The following GPC6 variants were observed in gnomAD, a reference collection of about 807,000 sequenced individuals.
GPC6 encodes glypican-6.
A neutral mutation model predicts 55.2 loss-of-function variants in GPC6; 14 were observed. The ratio of observed to expected loss-of-function variants is 0.25; its 90% CI spans 0.17 to 0.40. GPC6 has a LOEUF of 0.40. Among genes scored for constraint, GPC6 ranks in the 10% least tolerant of loss-of-function variants. GPC6 has a pLI of 1.00. For missense variants in GPC6, 641 were observed against 708.5 expected, an observed-to-expected ratio of 0.90 and a Z score of 1.08; for synonymous variants, 278 against 259.6, an observed-to-expected ratio of 1.07 and a Z score of -0.68.
intron 7 of GPC6, among the ~76,000 whole-genome samples, chr13:94,389,895 G>A (rs1162594239): frequency 6.6e-6 from 1 of 152,150 alleles, no homozygotes; most frequent in Non-Finnish European, 1.5e-5. Context: ...TTTCTGGGAG[G>A]AGGCTATCAA....
At chr13:94,237,499 A>G (rs1355431331) in intron 4 of GPC6, among the ~76,000 whole-genome samples, 1 of 152,174 alleles carries the variant, frequency 6.6e-6, no homozygotes, top group South Asian at 2.1e-4. Flanking sequence ...GGTGGGTGGC[A>G]GCTTGGATTG....
chr13:93,784,034 A>G (rs541007356), intron 2 of GPC6, among the ~76,000 whole-genome samples: 10 of 152,280 alleles, frequency 6.6e-5, no homozygotes, highest in African/African-American at 2.4e-4. Context: ...ACACAGTCCT[A>G]CAGAAGAAGG....
rs1875961044 is a variant in GPC6, at chr13:93,564,013, T to C, written c.319+18592T>C. Among the ~76,000 whole-genome samples, 3 of 152,114 alleles carry C rather than the reference T, an allele frequency of 2.0e-5. No homozygotes were observed. The South Asian group carries it at 6.2e-4, about 31-fold the overall frequency. ...ACTATACCCTGTACCCAATGAGTAG[T>C]CTTTTTTAATATAAAACTTTGAGAT... On this transcript the variant is annotated intron_variant, in intron 2 of 8. Transcript: ENST00000377047.
intron 4 of GPC6, among the ~76,000 whole-genome samples, chr13:94,218,203 G>A (rs1271401081): frequency 6.6e-6 from 1 of 152,138 alleles, no homozygotes; most frequent in African/African-American, 2.4e-5. Flanking sequence ...CTGACTATGA[G>A]AGCCCTTTTC....
chr13:93,910,858 G>C (rs1332920560), intron 3 of GPC6, among the ~76,000 whole-genome samples: 1 of 152,162 alleles, frequency 6.6e-6, no homozygotes, highest in African/African-American at 2.4e-5. Context: ...CAGTTTCACA[G>C]ACAGTATGGA....
intron 2 of GPC6, among the ~76,000 whole-genome samples, chr13:93,758,488 A>G (rs903153637): frequency 6.6e-6 from 1 of 152,122 alleles, no homozygotes; most frequent in African/African-American, 2.4e-5. Flanking sequence ...TTTGATTTAT[A>G]TACATATCAA....
At chr13:93,906,899 A>G (rs945491949) in intron 3 of GPC6, among the ~76,000 whole-genome samples, 8 of 152,192 alleles carry the variant, frequency 5.3e-5, no homozygotes, top group African/African-American at 1.9e-4. Flanking sequence ...TAACTAGTAG[A>G]TACATATATA....
intron 1 of GPC6, among the ~76,000 whole-genome samples, chr13:93,435,216 G>C (rs937196262): frequency 6.6e-6 from 1 of 152,010 alleles, no homozygotes; most frequent in Non-Finnish European, 1.5e-5. Context: ...TTAGGCCCAA[G>C]TGATCCTCCT....
chr13:94,065,747 C>T (rs967943320), intron 4 of GPC6, among the ~76,000 whole-genome samples: 1 of 152,184 alleles, frequency 6.6e-6, no homozygotes, highest in African/African-American at 2.4e-5. Context: ...AATCTTATTA[C>T]ACCCCACCAT....
intron 3 of GPC6, among the ~76,000 whole-genome samples, chr13:93,979,677 A>G (rs910258259): frequency 2.0e-5 from 3 of 152,150 alleles, no homozygotes; most frequent in Non-Finnish European, 2.9e-5. Flanking sequence ...TTTGAATATT[A>G]TTAAACCTGC....
intron 1 of GPC6, among the ~76,000 whole-genome samples, chr13:93,466,168 G>A (rs1878896520): frequency 6.7e-6 from 1 of 149,054 alleles, no homozygotes; most frequent in Non-Finnish European, 1.5e-5. Flanking sequence ...GAATAATGGT[G>A]CTGATATACT....
At chr13:93,747,408 A>G (rs556230234) in intron 2 of GPC6, among the ~76,000 whole-genome samples, 59 of 152,290 alleles carry the variant, frequency 3.9e-4, no homozygotes, top group African/African-American at 1.4e-3. Context: ...CACTATGCCT[A>G]CTAAACCATC....
At chr13:93,218,003 GGAGAAAT>G in the GPC6 span, among the ~76,000 whole-genome samples, 3 of 152,200 alleles carry the variant, frequency 2.0e-5, no homozygotes, top group Middle Eastern at 3.4e-3. Flanking sequence ...ATGAACATCA[GGAGAAAT>G]CCAAAGGCAC....
At chr13:93,484,160 G>GT (rs996730989) in intron 1 of GPC6, among the ~76,000 whole-genome samples, 2 of 151,322 alleles carry the variant, frequency 1.3e-5, no homozygotes, top group African/African-American at 4.8e-5. Flanking sequence ...CATAGCAACA[G>GT]TTTTTTTGGG....
At chr13:93,374,020 A>G (rs1196793855) in intron 1 of GPC6, among the ~76,000 whole-genome samples, 1 of 152,128 alleles carries the variant, frequency 6.6e-6, no homozygotes, top group Non-Finnish European at 1.5e-5. Flanking sequence ...TAATCTAGGG[A>G]TCTCATACAG....
chr13:93,219,005 ATT>A, the GPC6 span, among the ~76,000 whole-genome samples: 1 of 151,348 alleles, frequency 6.6e-6, no homozygotes, highest in African/African-American at 2.4e-5. Flanking sequence ...ACTTGGTTCC[ATT>A]AAGATTTTTG....
intron 4 of GPC6, among the ~76,000 whole-genome samples, chr13:94,198,535 C>G (rs541461792): frequency 2.0e-5 from 3 of 152,106 alleles, no homozygotes; most frequent in African/African-American, 7.2e-5. Flanking sequence ...TATGAACCAG[C>G]CTCCCACATG....
At chr13:94,053,489 C>T (rs923004800) in intron 4 of GPC6, among the ~76,000 whole-genome samples, 5 of 152,024 alleles carry the variant, frequency 3.3e-5, no homozygotes, top group Non-Finnish European at 2.9e-5. Flanking sequence ...TTAGGTATTA[C>T]CCAATAAATT....
intron 4 of GPC6, among the ~76,000 whole-genome samples, chr13:94,253,916 A>G (rs907672405): frequency 1.3e-5 from 2 of 152,168 alleles, no homozygotes; most frequent in East Asian, 1.9e-4. Context: ...TTTAAAGGTC[A>G]TTAATTTGCA....
Sources: allele counts gnomAD v4.1 joint callset (sites outside exome capture counted in the v4.1 genomes callset), GRCh38; gene constraint gnomAD v4.1.1; transcripts MANE v1.5; gene names NCBI Gene and HGNC (gene_info 2026-07-23, HGNC 2026-07-21).